The following SERGEF variants were observed in gnomAD, a reference collection of about 807,000 sequenced individuals.
SERGEF encodes the protein secretion-regulating guanine nucleotide exchange factor.
SERGEF carries 51 observed loss-of-function variants against 50.0 expected under a neutral mutation model. That is an observed-to-expected ratio of 1.02 (90% CI 0.81 to 1.29). The LOEUF (loss-of-function observed/expected upper bound fraction) is 1.29, where lower values mean the gene tolerates loss of function less well. Among genes scored for constraint, SERGEF ranks in the 50% most tolerant of loss-of-function variants. The pLI is 0.00. For synonymous variants in SERGEF, 205 were observed against 212.4 expected (o/e 0.97, Z 0.30); for missense variants, 521 against 557.0 (o/e 0.94, Z 0.65).
chr11:17,789,013 A>C (rs865964557), intron 10 of SERGEF, among the ~76,000 whole-genome samples: 10 of 152,012 alleles, frequency 6.6e-5, no homozygotes, highest in African/African-American at 2.4e-4. Flanking sequence ...GCTCCTAACT[A>C]TCTTGGTGTC....
chr11:17,982,120 A>G (rs1447282096), intron 8 of SERGEF, among the ~76,000 whole-genome samples: 1 of 152,160 alleles, frequency 6.6e-6, no homozygotes, highest in African/African-American at 2.4e-5. Flanking sequence ...AGAACTTCTT[A>G]TACAGAAGGA....
intron 10 of SERGEF, among the ~76,000 whole-genome samples, chr11:17,791,401 G>A (rs557791355): frequency 2.6e-4 from 39 of 152,284 alleles, no homozygotes; most frequent in African/African-American, 8.9e-4. Flanking sequence ...CAATCTGTGA[G>A]AATCTCTGTC....
intron 10 of SERGEF, among the ~76,000 whole-genome samples, chr11:17,803,102 G>T (rs1018522593): frequency 1.3e-5 from 2 of 152,232 alleles, no homozygotes; most frequent in Non-Finnish European, 2.9e-5. Context: ...CCATCTACTG[G>T]GATCACCAAT....
chr11:17,996,353 G>T (rs1245733239), intron 5 of SERGEF, among the ~76,000 whole-genome samples: 3 of 152,168 alleles, frequency 2.0e-5, no homozygotes, highest in Non-Finnish European at 4.4e-5. Context: ...CAGGCAGGAA[G>T]GTAACAGCAG....
At chr11:17,950,230 A>T (rs767479574) in intron 9 of SERGEF, among the ~76,000 whole-genome samples, 1 of 152,196 alleles carries the variant, frequency 6.6e-6, no homozygotes, top group Non-Finnish European at 1.5e-5. Flanking sequence ...TGATGAGGAG[A>T]CAGTGGTGAA....
intron 10 of SERGEF, among the ~76,000 whole-genome samples, chr11:17,803,896 A>T (rs1463980221): frequency 6.6e-6 from 1 of 152,218 alleles, no homozygotes; most frequent in African/African-American, 2.4e-5. Flanking sequence ...TGTCTGAGGC[A>T]TTCTGACAGG....
In SERGEF at chr11:17,888,378, TACAA is replaced by T. The variant is rs928894169; in HGVS notation, c.1012-10138_1012-10135del. Among the ~76,000 whole-genome samples, 11 of 152,210 alleles carry T rather than the reference TACAA, an allele frequency of 7.2e-5. No individual in the cohort carries two copies. The highest frequency in any genetic ancestry group is 9.6e-5 in the African/African-American group (4 of 41,462). On this transcript the variant is annotated intron_variant, in intron 9 of 10. Transcript: ENST00000265965. The surrounding 1 kb of genome is among the most constrained non-coding windows in gnomAD (Gnocchi z 4.1). Reference sequence around the variant, plus strand: ...GTACTTTGACTAAATAACTTCTGTTTACAAACAAACAATGCAAAAAAAATTTAAC... The same window carrying T: ...GTACTTTGACTAAATAACTTCTGTTTACAAACAATGCAAAAAAAATTTAAC...
chr11:18,008,929 A>C (rs1399644081), intron 1 of SERGEF, among the ~76,000 whole-genome samples: 2 of 152,066 alleles, frequency 1.3e-5, no homozygotes, highest in East Asian at 3.9e-4. Context: ...CTGAAGAAAA[A>C]TGAAGGTCAT....
chr11:17,959,516 G>A lies in SERGEF; in HGVS notation c.965C>T (p.Pro322Leu), dbSNP rs774761000. 6.2e-6 allele frequency: 10 copies of A among 1,613,906 alleles called. No individual in the cohort carries two copies. The highest frequency in any genetic ancestry group is 4.4e-5 in the South Asian group (4 of 91,080). Residue 322 changes from proline to leucine, a missense_variant, in exon 9 of 11, where the codon CCG becomes CTG. Physicochemically the swap from Pro to Leu is moderately conservative, Grantham distance 98. Coordinates refer to ENST00000265965, the MANE Select transcript of SERGEF (RefSeq NM_012139.4). ...ATGCGGAGACGAAGGCATGCTGTTC[G>A]GTGGTCTTGAACAGGGGAGAAATGA... ...QDSFLPCSRPPNSMPSSPHCL... is the reference protein window; with the variant it reads ...QDSFLPCSRPLNSMPSSPHCL...
intron 9 of SERGEF, among the ~76,000 whole-genome samples, chr11:17,950,311 T>C (rs966290479): frequency 8.5e-5 from 13 of 152,234 alleles, no homozygotes; most frequent in African/African-American, 2.9e-4. Flanking sequence ...GTGCAGTTTA[T>C]GGGTTGTGTG....
At chr11:17,873,962 G>A (rs1000972932) in intron 10 of SERGEF, among the ~76,000 whole-genome samples, 43 of 152,228 alleles carry the variant, frequency 2.8e-4, no homozygotes, top group African/African-American at 9.9e-4. Context: ...TCCAGACACA[G>A]AGGTGAGGGG....
intron 10 of SERGEF, among the ~76,000 whole-genome samples, chr11:17,806,481 TA>T (rs912931017): frequency 1.1e-4 from 16 of 152,324 alleles, no homozygotes; most frequent in African/African-American, 3.6e-4. Flanking sequence ...AGCTGAGGCT[TA>T]GCTGAGGCTC....
chr11:17,952,018 C>T lies in SERGEF; in HGVS notation c.1011+7452G>A, dbSNP rs61503530. 5.8e-3 allele frequency among the ~76,000 whole-genome samples: 876 copies of T among 152,262 alleles called. 6 individuals carry two copies. Among genetic ancestry groups the T allele is most frequent in the African/African-American group, 0.016 (656 of 41,544 alleles). On this transcript the variant is annotated intron_variant, in intron 9 of 10. Transcript: ENST00000265965. ...GATAATTTTCCTTCCAATCTAACCA[C>T]GAAGATTTAAGCCAACCAACATGAG...
chr11:17,968,735 C>A (rs561778843), intron 8 of SERGEF, among the ~76,000 whole-genome samples: 1 of 151,810 alleles, frequency 6.6e-6, no homozygotes, highest in Non-Finnish European at 1.5e-5. Flanking sequence ...ACAAAACTCC[C>A]TCCCATCATG....
rs763854991 is a variant in SERGEF at position 18,006,679 on chromosome 11, A to G, written c.264T>C (p.Asp88=). 1.6e-5 allele frequency: 26 copies of G among 1,614,066 alleles called. No individual in the cohort carries two copies. Among genetic ancestry groups the G allele is most frequent in the Non-Finnish European group, 2.1e-5 (25 of 1,180,038 alleles). ...ATTTGCAGGGGGTAAAATATGGGAT[A>G]TCCTCTGTGTGACCAAGCCCCAGTT... is the stretch of plus-strand genomic sequence containing the variant. ...DGQLGLGHTE[D]IPYFTPCKSL... Residue 88 remains aspartate, a synonymous_variant, in exon 3 of 11, where the codon GAT becomes GAC. Transcript: ENST00000265965.
chr11:17,951,833 C>T (rs1232182522), intron 9 of SERGEF, among the ~76,000 whole-genome samples: 1 of 152,170 alleles, frequency 6.6e-6, no homozygotes, highest in African/African-American at 2.4e-5. Context: ...AGGACAGCAG[C>T]ATCTGCCCTT....
At chr11:17,804,074 C>T (rs12361147) in intron 10 of SERGEF, among the ~76,000 whole-genome samples, 16 of 152,172 alleles carry the variant, frequency 1.1e-4, no homozygotes, top group Admixed American at 3.3e-4. Context: ...ATGACCAAGG[C>T]TAATTCCTGC....
intron 10 of SERGEF, among the ~76,000 whole-genome samples, chr11:17,837,663 T>TA: frequency 6.7e-6 from 1 of 149,382 alleles, no homozygotes; most frequent in East Asian, 2.0e-4. Flanking sequence ...CTCTTTCTTT[T>TA]TTTTTTTTTT....
At chr11:17,969,172 T>C (rs1853193613) in intron 8 of SERGEF, among the ~76,000 whole-genome samples, 1 of 152,206 alleles carries the variant, frequency 6.6e-6, no homozygotes, top group Non-Finnish European at 1.5e-5. Context: ...CTCTGAGATG[T>C]GCCGGCTGAG....
Sources: gnomAD v4.1 joint callset for allele counts (sites outside exome capture counted in the v4.1 genomes callset) on GRCh38, gnomAD v4.1.1 for gene constraint, Gnocchi (gnomAD v3.1) non-coding constraint, MANE v1.5 for transcripts, NCBI Gene and HGNC (gene_info 2026-07-23, HGNC 2026-07-21) for gene names.